Variants in ANKEF1 observed in about 807,000 individuals in gnomAD.
ANKEF1 encodes ankyrin repeat and EF-hand domain containing 1.
ANKEF1 carries 43 observed loss-of-function variants against 65.1 expected under a neutral mutation model. The ratio of observed to expected loss-of-function variants is 0.66; its 90% confidence interval spans 0.52 to 0.85. The LOEUF is 0.85. ANKEF1 is among the 40% of genes least tolerant of loss of function. ANKEF1 has a pLI of 0.00. For missense variants in ANKEF1, 934 were observed against 952.9 expected (o/e 0.98, Z 0.26); for synonymous variants, 316 against 341.5 (o/e 0.93, Z 0.82).
chr20:10,053,067 T>C, intron 8 of ANKEF1, 45 bp from the exon 9 acceptor site: 1 of 1,522,580 alleles, frequency 6.6e-7, no homozygotes, highest in Non-Finnish European at 8.8e-7. Context: ...GGTTTATCAT[T>C]AATATGTTTA....
Position 10,041,115 on chromosome 20 carries a change from C to T in ANKEF1, c.347-2007C>T, listed in dbSNP as rs537453596. Among the ~76,000 whole-genome samples the T allele has an allele frequency of 1.1e-4, 16 of 151,798 alleles. No individual in the cohort carries two copies. The East Asian group carries it at 2.5e-3, about 24-fold the overall frequency. On this transcript the variant is annotated intron_variant, in intron 3 of 10. Transcript: ENST00000378392. ...TCTAGATTTCCCATAGGGTTGGTTT[C>T]AGAAACATCATTTATTTTATATTGT...
In ANKEF1 at chr20:10,044,489, T is replaced by C. The variant is rs371066536; in HGVS notation, c.642T>C (p.Phe214=). 3.0e-5 allele frequency: 49 copies of C among 1,614,036 alleles called. No homozygotes were observed. Among genetic ancestry groups the C allele is most frequent in the Non-Finnish European group, 4.1e-5 (48 of 1,180,008 alleles). ...AAAGAGGAGGTGAAGTGAATGCATTTGACAACGACAGGCATCACGCTGCTC... is the reference window on the plus strand; with the variant it reads ...AAAGAGGAGGTGAAGTGAATGCATTCGACAACGACAGGCATCACGCTGCTC... The part of the protein sequence containing the change: ...ILERGGEVNA[F]DNDRHHAAHF... The change falls in exon 5 of 11, where the codon TTT becomes TTC. Residue 214 remains phenylalanine (F), a synonymous_variant. Transcript: ENST00000378392.
chr20:10,041,912 A>G (rs1225217062), intron 3 of ANKEF1, among the ~76,000 whole-genome samples: 5 of 152,188 alleles, frequency 3.3e-5, no homozygotes, highest in Admixed American at 3.3e-4. Flanking sequence ...TTTTACATGA[A>G]CAAAGTCTTG....
chr20:10,051,794 C>A lies in ANKEF1; in HGVS notation c.1775C>A (p.Ser592Ter). 6.2e-7 allele frequency: 1 copy of A among 1,613,722 alleles called. No individual in the cohort carries two copies. Among genetic ancestry groups the A allele is most frequent in the Non-Finnish European group, 8.5e-7 (1 of 1,179,850 alleles). Reference protein sequence around the residue: ...ALIDAASINNSTPLNRAIESC... With the variant: ...ALIDAASINN ...ATAGATGCAGCTTCAATCAACAACT[C>A]AACTCCTTTAAATAGAGCCATTGAA... Residue 592 changes from serine to a stop codon, truncating the protein, a stop_gained, in exon 8 of 11, where the codon TCA becomes TAA. Coordinates refer to ENST00000378392, the MANE Select transcript of ANKEF1 (RefSeq NM_022096.6). LOFTEE classifies it high-confidence loss of function.
chr20:10,051,937 T>G, intron 8 of ANKEF1, 48 bp downstream of exon 8: 1 of 1,401,988 alleles, frequency 7.1e-7, no homozygotes, highest in Non-Finnish European at 9.7e-7. Flanking sequence ...GGAGAACTTA[T>G]GTTAGATTCT....
In ANKEF1 at chr20:10,053,356, A is replaced by G. The variant is rs571383417; in HGVS notation, c.2034+81A>G. On this transcript the variant is annotated intron_variant, in intron 9 of 10. Coordinates refer to ENST00000378392, the MANE Select transcript of ANKEF1 (RefSeq NM_022096.6). ...GGGGGAAGGCAGAAGCACTATTTACATATTGTTATACAACATGGGTAAGAT... is the reference window on the plus strand; with the variant it reads ...GGGGGAAGGCAGAAGCACTATTTACGTATTGTTATACAACATGGGTAAGAT... The G allele has an allele frequency of 3.3e-5, 42 of 1,265,874 alleles. No individual in the cohort carries two copies. In the African/African-American group the frequency reaches 5.8e-4, roughly 18 times the overall value. The allele number at this position is 1,265,874 out of a possible 1,614,324, so 78.4% of individuals were successfully genotyped here.
In ANKEF1 at chr20:10,038,338, A is replaced by C. The variant is rs752356396; in HGVS notation, c.37A>C (p.Ile13Leu). The C allele has an allele frequency of 6.3e-7, 1 of 1,592,146 alleles. No individual in the cohort carries two copies. Among genetic ancestry groups the C allele is most frequent in the South Asian group, 1.1e-5 (1 of 87,536 alleles). ...LADKRLENLQ[I>L]YKVLQCVRNK... Reference sequence around the variant, plus strand: ...AGATAAGAGACTTGAGAACTTACAGATCTACAAAGTTCTTCAATGTGTGCG... The same window carrying C: ...AGATAAGAGACTTGAGAACTTACAGCTCTACAAAGTTCTTCAATGTGTGCG... The change falls in exon 3 of 11, where the codon ATC (isoleucine) becomes CTC (leucine). Residue 13 changes from isoleucine to leucine, a missense_variant. Ile to Leu is a conservative substitution (Grantham distance 5). Coordinates refer to ENST00000378392, the MANE Select transcript of ANKEF1 (RefSeq NM_022096.6).
rs1984714943 is a variant in ANKEF1, at chr20:10,049,538, A to G, written c.969A>G (p.Pro323=). ...LARPGAKNPN[P]LWALRLHDWS... is the part of the protein sequence containing the mutation. The stretch of plus-strand genomic sequence containing the variant: ...GGCCAGGAGCCAAAAATCCAAATCC[A>G]CTGTGGGCCCTTAGACTGCACGATT... Residue 323 remains proline (P), a synonymous_variant, in exon 7 of 11, where the codon CCA becomes CCG. Transcript: ENST00000378392. The G allele has an allele frequency of 1.2e-6, 2 of 1,614,048 alleles. No homozygotes were observed. Among genetic ancestry groups the G allele is most frequent in the South Asian group, 1.1e-5 (1 of 91,068 alleles).
chr20:10,048,644 T>C (rs1208382911), intron 6 of ANKEF1, among the ~76,000 whole-genome samples: 3 of 152,190 alleles, frequency 2.0e-5, no homozygotes, highest in Admixed American at 2.0e-4. Flanking sequence ...CAACACAGCC[T>C]TTTTGGTAGC....
Position 10,056,534 on chromosome 20 carries a change from A to ATAGG in ANKEF1, c.*877_*878insGTAG, listed in dbSNP as rs1452112559. 3.3e-5 allele frequency: 5 copies of ATAGG among 151,804 alleles called. No individual in the cohort carries two copies. The highest frequency in any genetic ancestry group is 1.2e-4 in the African/African-American group (5 of 41,288). 9.4% of individuals were successfully genotyped at this position (151,804 alleles called of 1,614,324 possible). ...GATAGATAGATAGATAGATAGATAG[A>ATAGG]TAGAGATTTATTGCAAATAATTGGT... is the stretch of plus-strand genomic sequence containing the variant. On this transcript the variant is annotated 3_prime_UTR_variant, in exon 11 of 11. Coordinates refer to ENST00000378392, the MANE Select transcript of ANKEF1 (RefSeq NM_022096.6).
intron 5 of ANKEF1, 150 bp downstream of exon 5, chr20:10,044,693 T>C (rs1984406843): frequency 4.9e-6 from 3 of 607,190 alleles, no homozygotes; most frequent in Non-Finnish European, 5.1e-6. Context: ...CAAATAATTC[T>C]AAAATTATAT....
Position 10,043,238 on chromosome 20 carries a change from A to C in ANKEF1, c.463A>C (p.Arg155=). 2 of 1,614,172 alleles carry C rather than the reference A, an allele frequency of 1.2e-6. No individual in the cohort carries two copies. The highest frequency in any genetic ancestry group is 1.3e-5 in the African/African-American group (1 of 75,058). The change falls in exon 4 of 11, where the codon AGA becomes CGA. Residue 155 remains arginine (R), a synonymous_variant. Coordinates refer to ENST00000378392, the MANE Select transcript of ANKEF1 (RefSeq NM_022096.6). ...CTATGAAGGAAAGCCAATATTCCTT[A>C]GAGCTTGTGAAGATGCACATGATGT... ...STYEGKPIFL[R]ACEDAHDVKD...
Position 10,051,791 on chromosome 20 carries a change from A to T in ANKEF1, c.1772A>T (p.Asn591Ile), listed in dbSNP as rs141600868. The change falls in exon 8 of 11, where the codon AAC becomes ATC. Residue 591 changes from asparagine to isoleucine, a missense_variant. Coordinates refer to ENST00000378392, the MANE Select transcript of ANKEF1 (RefSeq NM_022096.6). The stretch of plus-strand genomic sequence containing the variant: ...TTAATAGATGCAGCTTCAATCAACA[A>T]CTCAACTCCTTTAAATAGAGCCATT... ...GALIDAASIN[N>I]STPLNRAIES... 30 of 1,613,656 alleles carry T rather than the reference A, an allele frequency of 1.9e-5. No individual in the cohort carries two copies. The highest frequency in any genetic ancestry group is 2.5e-5 in the Non-Finnish European group (29 of 1,179,860).
At chr20:10,053,507 T>TG (rs1413703108) in intron 9 of ANKEF1, among the ~76,000 whole-genome samples, 1 of 149,350 alleles carries the variant, frequency 6.7e-6, no homozygotes, top group Non-Finnish European at 1.5e-5. Context: ...AAAAACCAAA[T>TG]GGGTTCAGCC....
At position 10,046,789 on chromosome 20, in the gene ANKEF1, C is replaced by T. The variant is rs1600517448; in HGVS notation, c.820+1092C>T. ...AAGTGTTTTATTTTTCTGTCTTTCA[C>T]ACAGACACAAAATTTTAGAAGTCAC... On this transcript the variant is annotated intron_variant, in intron 6 of 10. Coordinates refer to ENST00000378392, the MANE Select transcript of ANKEF1 (RefSeq NM_022096.6). 3.9e-5 allele frequency among the ~76,000 whole-genome samples: 6 copies of T among 152,246 alleles called. No individual in the cohort carries two copies. The East Asian group carries it at 1.2e-3, about 29-fold the overall frequency.
Position 10,041,266 on chromosome 20 carries a change from A to G in ANKEF1, c.347-1856A>G, listed in dbSNP as rs929908878. ...TATGCTTGTAAGTGTATTTTCTAAA[A>G]TTGATGGGCTTTTTAGTTATTTTAG... is the stretch of plus-strand genomic sequence containing the variant. On this transcript the variant is annotated intron_variant, in intron 3 of 10. Coordinates refer to ENST00000378392, the MANE Select transcript of ANKEF1 (RefSeq NM_022096.6). Among the ~76,000 whole-genome samples, 4 of 151,896 alleles carry G rather than the reference A, an allele frequency of 2.6e-5. No individual in the cohort carries two copies. In the East Asian group the frequency reaches 7.7e-4, roughly 29 times the overall value.
chr20:10,054,096 G>A lies in ANKEF1; in HGVS notation c.2035-366G>A, dbSNP rs1172578123. Among the ~76,000 whole-genome samples the A allele has an allele frequency of 2.0e-5, 3 of 152,134 alleles. No individual in the cohort carries two copies. In the East Asian group the frequency reaches 5.8e-4, roughly 29 times the overall value. On this transcript the variant is annotated intron_variant, in intron 9 of 10. Coordinates refer to ENST00000378392, the MANE Select transcript of ANKEF1 (RefSeq NM_022096.6). Reference sequence around the variant, plus strand: ...AAATGTAGGTGGTAGGGAGTAGATAGGATGAAGGGATTGTAGACAGACAGC... The same window carrying A: ...AAATGTAGGTGGTAGGGAGTAGATAAGATGAAGGGATTGTAGACAGACAGC...
rs753147860 is a variant in ANKEF1 at position 10,049,971 on chromosome 20, T to C, written c.1402T>C (p.Phe468Leu). The C allele has an allele frequency of 1.2e-6, 2 of 1,614,122 alleles. No homozygotes were observed. Among genetic ancestry groups the C allele is most frequent in the East Asian group, 4.5e-5 (2 of 44,880 alleles). ...TYKNVTDSSR[F>L]NRDHPPEHPI... is the part of the protein sequence containing the mutation. ...CAAGAATGTCACTGATAGCAGCCGG[T>C]TTAATAGAGATCATCCCCCAGAACA... The change falls in exon 7 of 11, where the codon TTT becomes CTT. Residue 468 changes from phenylalanine (F) to leucine (L), a missense_variant. Coordinates refer to ENST00000378392, the MANE Select transcript of ANKEF1 (RefSeq NM_022096.6).
intron 7 of ANKEF1, among the ~76,000 whole-genome samples, chr20:10,051,418 T>A (rs2122269004): frequency 6.6e-6 from 1 of 152,348 alleles, no homozygotes; most frequent in East Asian, 1.9e-4. Flanking sequence ...GATTTTATAA[T>A]TTTCCTTGAT....
Sources: gnomAD v4.1 joint callset for allele counts (sites outside exome capture counted in the v4.1 genomes callset) on GRCh38, gnomAD v4.1.1 for gene constraint, MANE v1.5 for transcripts, NCBI Gene and HGNC (gene_info 2026-07-23, HGNC 2026-07-21) for gene names.